Variants in RGS3 observed in about 807,000 individuals in gnomAD.
The protein encoded by RGS3 is regulator of G protein signaling 3.
A neutral mutation model predicts 132.6 loss-of-function variants in RGS3; 80 were observed. The ratio of observed to expected loss-of-function variants is 0.60; its 90% CI spans 0.50 to 0.73. The LOEUF is 0.73. Among genes scored for constraint, RGS3 ranks in the 30% least tolerant of loss-of-function variants. RGS3 has a pLI of 0.00. For missense variants in RGS3, 1,382 were observed against 1,530.8 expected (o/e 0.90, Z 1.62); for synonymous variants, 598 against 620.6 (o/e 0.96, Z 0.54).
chr9:113,483,484 A>G (rs1225403305), intron 5 of RGS3, among the ~76,000 whole-genome samples: 1 of 152,162 alleles, frequency 6.6e-6, no homozygotes, highest in Non-Finnish European at 1.5e-5. Flanking sequence ...TTTGGGCAGT[A>G]GAGTGGAGGG....
rs1588174173 is a variant in RGS3 at position 113,507,748 on chromosome 9, G to A, written c.1437+110G>A. ...TGAGCAGCCTGTGAGGGGCTGCGAT[G>A]TTGGGCAAGGAGATGGGGTATGTGC... is the stretch of plus-strand genomic sequence containing the variant. On this transcript the variant is annotated intron_variant, in intron 13 of 24. Transcript: ENST00000350696. This position sits in a 1 kb window ranked among gnomAD's most constrained non-coding sequence, Gnocchi z 5.0. 1 of 881,478 alleles carries A rather than the reference G, an allele frequency of 1.1e-6. No homozygotes were observed. The allele number at this position is 881,478 out of a possible 1,614,324, so 54.6% of individuals were successfully genotyped here.
In RGS3 at chr9:113,462,107, G is replaced by A; in HGVS notation, c.321G>A (p.Trp107Ter). The change falls in exon 3 of 25, where the codon TGG (tryptophan) becomes TGA (stop). Residue 107 changes from tryptophan to a stop codon, truncating the protein, a stop_gained. Coordinates refer to ENST00000350696, the Ensembl canonical transcript of RGS3. LOFTEE classifies it high-confidence loss of function. ...CCATATTCCCTGGCTGGATGGAGTG[G>A]CTAAGCCCTGATATCGCTCTGCCCA... is the stretch of plus-strand genomic sequence containing the variant. The A allele has an allele frequency of 6.2e-7, 1 of 1,614,168 alleles. No homozygotes were observed.
chr9:113,583,198 T>TG (rs1834910069), intron 19 of RGS3: 3 of 616,664 alleles, frequency 4.9e-6, no homozygotes, highest in Non-Finnish European at 8.1e-6. Context: ...AGATAGTGGT[T>TG]ATCTCTCCCT....
chr9:113,583,071 C>T, intron 19 of RGS3: 1 of 245,818 alleles, frequency 4.1e-6, no homozygotes, highest in Non-Finnish European at 7.9e-6. Context: ...CAACTTTGAC[C>T]CTGTTTCCTT....
At chr9:113,449,909 A>AT (rs1228745997) in intron 1 of RGS3, among the ~76,000 whole-genome samples, 1 of 150,674 alleles carries the variant, frequency 6.6e-6, no homozygotes, top group Non-Finnish European at 1.5e-5. Flanking sequence ...CTCTTGGCTA[A>AT]TTTTTTTGTA....
chr9:113,480,829 C>T (rs1830136902), intron 4 of RGS3, among the ~76,000 whole-genome samples: 1 of 152,222 alleles, frequency 6.6e-6, no homozygotes, highest in African/African-American at 2.4e-5. Context: ...ATCCTTCCAT[C>T]CGGCACATGA....
chr9:113,534,679 A>T (rs1416934278), intron 18 of RGS3, among the ~76,000 whole-genome samples: 2 of 147,380 alleles, frequency 1.4e-5, no homozygotes, highest in Non-Finnish European at 3.0e-5. Context: ...TGGCACAATC[A>T]TTGCTTACTG....
Position 113,565,913 on chromosome 9 carries a change from G to GTGTGTGTGTGTCTGTC in RGS3, c.2038-17534_2038-17533insGTGTGTGTCTGTCTGT, listed in dbSNP as rs1381769881. 1.4e-5 allele frequency among the ~76,000 whole-genome samples: 2 copies of GTGTGTGTGTGTCTGTC among 144,516 alleles called. No homozygotes were observed. Among genetic ancestry groups the GTGTGTGTGTGTCTGTC allele is most frequent in the African/African-American group, 5.2e-5 (2 of 38,556 alleles). The allele number at this position is 144,516 out of a possible 152,430, so 94.8% of individuals were successfully genotyped here. A position where few individuals can be genotyped will look rare whatever the true frequency, so the allele number is the denominator to read the frequency against. ...TGTGTGTGTGTGTGTGTGTGTGTGT[G>GTGTGTGTGTGTCTGTC]TGTCTGTCTGTCTGTCTGTCTCAGG... On this transcript the variant is annotated intron_variant, in intron 19 of 24. Transcript: ENST00000350696. The surrounding 1 kb of genome is among the most constrained non-coding windows in gnomAD (Gnocchi z 5.7).
chr9:113,567,440 C>A (rs1393458571), intron 19 of RGS3, among the ~76,000 whole-genome samples: 4 of 152,160 alleles, frequency 2.6e-5, no homozygotes, highest in Non-Finnish European at 5.9e-5. Flanking sequence ...GTTGCATTGT[C>A]CTGGCTAGGG....
intron 8 of RGS3, among the ~76,000 whole-genome samples, chr9:113,496,562 T>C (rs940945820): frequency 1.3e-5 from 2 of 152,052 alleles, no homozygotes; most frequent in Non-Finnish European, 2.9e-5. Flanking sequence ...TCTTTTTTTT[T>C]TCTTTTGAGA....
At chr9:113,476,055 A>C (rs2119200685) in intron 3 of RGS3, among the ~76,000 whole-genome samples, 1 of 152,190 alleles carries the variant, frequency 6.6e-6, no homozygotes, top group East Asian at 1.9e-4. Flanking sequence ...CTCCCACCTC[A>C]GCCTCCCAAG....
intron 4 of RGS3, among the ~76,000 whole-genome samples, chr9:113,481,565 AAC>A (rs915472036): frequency 6.6e-6 from 1 of 152,194 alleles, no homozygotes; most frequent in African/African-American, 2.4e-5. Context: ...CAGCTGTGCA[AAC>A]AGTTTTTGCA....
At chr9:113,570,449 G>A (rs1834235539) in intron 19 of RGS3, 2 of 151,906 alleles carry the variant, frequency 1.3e-5, no homozygotes, top group South Asian at 4.2e-4. Flanking sequence ...GAGACACTGG[G>A]ATGAGGGGTT....
chr9:113,463,445 C>T lies in RGS3; in HGVS notation c.415+1244C>T, dbSNP rs1004744283. On this transcript the variant is annotated intron_variant, in intron 3 of 24. Coordinates refer to ENST00000350696, the Ensembl canonical transcript of RGS3. This position sits in a 1 kb window ranked among gnomAD's most constrained non-coding sequence, Gnocchi z 4.6. ...AGGCCAAGCCTGCCCAGAGTGGGCA[C>T]CCCGGACTGGGCCTTCTCGTGGGAC... Among the ~76,000 whole-genome samples the T allele has an allele frequency of 6.6e-6, 1 of 151,164 alleles. No homozygotes were observed. Among genetic ancestry groups the T allele is most frequent in the Admixed American group, 6.6e-5 (1 of 15,250 alleles).
intron 19 of RGS3, among the ~76,000 whole-genome samples, chr9:113,539,636 C>T (rs904910651): frequency 1.3e-5 from 2 of 152,136 alleles, no homozygotes; most frequent in South Asian, 2.1e-4. Context: ...TAGACCCCCA[C>T]CCCACCCCTG....
At position 113,497,383 on chromosome 9, in the gene RGS3, C is replaced by T. The variant is rs564374250; in HGVS notation, c.820C>T (p.Arg274Trp). ...GACCAAGCACTTGAAGGTGGCCAGG[C>T]GGCGACTGCGGCCGCTGAGAGGTAC... Residue 274 changes from arginine to tryptophan, a missense_variant, in exon 9 of 25, where the codon CGG becomes TGG. Physicochemically the swap from Arg to Trp is moderately radical, Grantham distance 101. Transcript: ENST00000350696. The T allele has an allele frequency of 6.1e-5, 98 of 1,613,396 alleles. 1 individual carries two copies. The South Asian group carries it at 7.6e-4, about 12-fold the overall frequency.
At position 113,463,687 on chromosome 9, in the gene RGS3, T is replaced by G. The variant is rs1045832371; in HGVS notation, c.415+1486T>G. On this transcript the variant is annotated intron_variant, in intron 3 of 24. Coordinates refer to ENST00000350696, the Ensembl canonical transcript of RGS3. This position sits in a 1 kb window ranked among gnomAD's most constrained non-coding sequence, Gnocchi z 4.6. ...GGGCGCGCCCTGGCCGTTCCAACGC[T>G]TGGGGCAGCCCTACCTCCCGCTCGC... 1 of 1,384,838 alleles carries G rather than the reference T, an allele frequency of 7.2e-7. No individual in the cohort carries two copies. The highest frequency in any genetic ancestry group is 9.4e-7 in the Non-Finnish European group (1 of 1,068,570). The allele number at this position is 1,384,838 out of a possible 1,614,324, so 85.8% of individuals were successfully genotyped here.
At chr9:113,594,329 C>G in intron 21 of RGS3, 101 bp from the exon 20 acceptor site, 1 of 1,591,780 alleles carries the variant, frequency 6.3e-7, no homozygotes, top group Non-Finnish European at 8.6e-7. Flanking sequence ...AGGCGACACA[C>G]GATGAAGGAG....
chr9:113,502,020 G>A (rs531806902), intron 10 of RGS3, among the ~76,000 whole-genome samples: 1 of 152,352 alleles, frequency 6.6e-6, no homozygotes, highest in African/African-American at 2.4e-5. Flanking sequence ...CCCTGTGCGT[G>A]TATGTTGGCA....
Sources: gnomAD v4.1 joint callset for allele counts (sites outside exome capture counted in the v4.1 genomes callset) on GRCh38, gnomAD v4.1.1 for gene constraint, Gnocchi (gnomAD v3.1) non-coding constraint, MANE v1.5 for transcripts, NCBI Gene and HGNC (gene_info 2026-07-23, HGNC 2026-07-21) for gene names.